The following ADGRL2 variants were observed in gnomAD, a reference collection of about 807,000 sequenced individuals.
ADGRL2 encodes the protein adhesion G protein-coupled receptor L2, also known as calcium-independent alpha-latrotoxin receptor 2.
In ADGRL2, 44 loss-of-function variants were observed where a neutral mutation model predicts 157.4. The ratio of observed to expected loss-of-function variants is 0.28; its 90% CI spans 0.22 to 0.36. The LOEUF (loss-of-function observed/expected upper bound fraction) is 0.36, where lower values mean the gene tolerates loss of function less well. Among genes scored for constraint, ADGRL2 ranks in the 10% least tolerant of loss-of-function variants. The pLI is 1.00. For missense variants in ADGRL2, 1,510 were observed against 1,768.9 expected, an observed-to-expected ratio of 0.85 and a Z score of 2.63; for synonymous variants, 585 against 624.7, an observed-to-expected ratio of 0.94 and a Z score of 0.95.
At chr1:81,904,844 T>A (rs1572033145) in intron 2 of ADGRL2, among the ~76,000 whole-genome samples, 1 of 151,696 alleles carries the variant, frequency 6.6e-6, no homozygotes. Flanking sequence ...GAGGCAGAGG[T>A]TGCAGTGAGC....
At chr1:81,465,239 T>A (rs1459400792) in intron 2 of ADGRL2, among the ~76,000 whole-genome samples, 1 of 152,206 alleles carries the variant, frequency 6.6e-6, no homozygotes, top group Admixed American at 6.5e-5. Context: ...TTCAGCAGTG[T>A]CAACTCATTG....
chr1:81,871,205 A>G (rs528121233), intron 2 of ADGRL2, among the ~76,000 whole-genome samples: 1 of 150,216 alleles, frequency 6.7e-6, no homozygotes, highest in Admixed American at 6.7e-5. Flanking sequence ...TGTCCTTGTG[A>G]CAGTTTGCTG....
At chr1:81,312,704 T>C (rs1211867102) in intron 1 of ADGRL2, among the ~76,000 whole-genome samples, 2 of 152,204 alleles carry the variant, frequency 1.3e-5, no homozygotes, top group Non-Finnish European at 2.9e-5. Flanking sequence ...AAAGCCATTG[T>C]ATACTGGCTT....
At chr1:81,651,564 C>A (rs1173355912) in intron 3 of ADGRL2, among the ~76,000 whole-genome samples, 3 of 152,102 alleles carry the variant, frequency 2.0e-5, no homozygotes, top group African/African-American at 7.2e-5. Flanking sequence ...ATAAAGAATG[C>A]CAAAACAATG....
chr1:81,951,938 A>G lies in ADGRL2; in HGVS notation c.1609-19A>G, dbSNP rs1651955316. 1.3e-6 allele frequency: 2 copies of G among 1,582,688 alleles called. No homozygotes were observed. Among genetic ancestry groups the G allele is most frequent in the African/African-American group, 1.4e-5 (1 of 73,286 alleles). ...CAGAAAAAAAAATTTAAATGAGATAATACAAATTGTTTTTTCAGATCAGAA... is the reference window on the plus strand; with the variant it reads ...CAGAAAAAAAAATTTAAATGAGATAGTACAAATTGTTTTTTCAGATCAGAA... On this transcript the variant is annotated intron_variant, in intron 8 of 23. Coordinates refer to ENST00000686636, the MANE Select transcript of ADGRL2 (RefSeq NM_001366006.2).
chr1:81,397,795 G>T (rs2076683393), intron 1 of ADGRL2, among the ~76,000 whole-genome samples: 1 of 152,146 alleles, frequency 6.6e-6, no homozygotes, highest in Non-Finnish European at 1.5e-5. Context: ...GCAGCTGTTG[G>T]ATAAAAAGTT....
At chr1:81,721,614 TC>T in intron 1 of ADGRL2, 1 of 613,116 alleles carries the variant, frequency 1.6e-6, no homozygotes, top group Middle Eastern at 4.9e-4. Context: ...AAAAATTGCT[TC>T]TGTGCGGTCA....
At chr1:81,641,045 CT>C (rs1158518239) in intron 3 of ADGRL2, among the ~76,000 whole-genome samples, 20 of 152,206 alleles carry the variant, frequency 1.3e-4, no homozygotes, top group Non-Finnish European at 2.8e-4. Flanking sequence ...TTTAGCCCTT[CT>C]CTATCTATAA....
chr1:81,780,431 C>T (rs1054228145), intron 2 of ADGRL2, among the ~76,000 whole-genome samples: 8 of 152,140 alleles, frequency 5.3e-5, no homozygotes, highest in Admixed American at 5.2e-4. Context: ...AACTGAAGGA[C>T]CCTTAATGGT....
chr1:81,834,262 A>G (rs1045182472), intron 1 of ADGRL2, among the ~76,000 whole-genome samples: 2 of 152,200 alleles, frequency 1.3e-5, no homozygotes, highest in African/African-American at 2.4e-5. Flanking sequence ...TAATGTGGGA[A>G]TCATTTGAAG....
chr1:81,728,927 C>A (rs992204545), intron 1 of ADGRL2, among the ~76,000 whole-genome samples: 2 of 152,082 alleles, frequency 1.3e-5, no homozygotes, highest in African/African-American at 2.4e-5. Context: ...TCTGCTATGA[C>A]CCTAGGGAAG....
chr1:81,480,250 CATTT>C (rs1354956988), intron 2 of ADGRL2, among the ~76,000 whole-genome samples: 2 of 152,146 alleles, frequency 1.3e-5, no homozygotes, highest in African/African-American at 4.8e-5. Flanking sequence ...CTGGTTTTAT[CATTT>C]ATAATAGACA....
chr1:81,697,918 T>C (rs761207612), upstream of ADGRL2, among the ~76,000 whole-genome samples: 1 of 152,194 alleles, frequency 6.6e-6, no homozygotes, highest in Non-Finnish European at 1.5e-5. Context: ...TCAGTACCCA[T>C]GTATTTTGCA....
chr1:81,562,483 A>G (rs1570511200), intron 2 of ADGRL2, among the ~76,000 whole-genome samples: 1 of 126,556 alleles, frequency 7.9e-6, no homozygotes, highest in Non-Finnish European at 1.8e-5. Context: ...AAACTTTTTT[A>G]TGTGTCAATT....
chr1:81,472,672 C>G (rs375199854), intron 2 of ADGRL2, among the ~76,000 whole-genome samples: 2 of 152,104 alleles, frequency 1.3e-5, no homozygotes, highest in African/African-American at 4.8e-5. Context: ...GGAAAGGAAT[C>G]TTGCATTTAA....
At chr1:81,521,465 T>C (rs1340730533) in intron 2 of ADGRL2, among the ~76,000 whole-genome samples, 1 of 152,182 alleles carries the variant, frequency 6.6e-6, no homozygotes, top group Non-Finnish European at 1.5e-5. Flanking sequence ...TTCTTCCTAC[T>C]TTTCTCTATT....
intron 1 of ADGRL2, among the ~76,000 whole-genome samples, chr1:81,340,453 G>C (rs1272517107): frequency 6.6e-6 from 1 of 151,936 alleles, no homozygotes; most frequent in Non-Finnish European, 1.5e-5. Flanking sequence ...TCTTTACTAG[G>C]GTAGCAGGGT....
chr1:81,419,863 C>T (rs1031542161), intron 1 of ADGRL2, among the ~76,000 whole-genome samples: 1 of 152,146 alleles, frequency 6.6e-6, no homozygotes, highest in Non-Finnish European at 1.5e-5. Context: ...CCAGTGAAAA[C>T]GTCTGGTCTA....
At chr1:81,439,704 C>T (rs2077472535) in intron 1 of ADGRL2, among the ~76,000 whole-genome samples, 1 of 152,222 alleles carries the variant, frequency 6.6e-6, no homozygotes, top group African/African-American at 2.4e-5. Context: ...TTACAGTGCT[C>T]CTTTAGTTGT....
Sources: allele counts gnomAD v4.1 joint callset (sites outside exome capture counted in the v4.1 genomes callset), GRCh38; gene constraint gnomAD v4.1.1; transcripts MANE v1.5; gene names NCBI Gene and HGNC (gene_info 2026-07-23, HGNC 2026-07-21).